The following LYSMD4 variants were observed in gnomAD, a reference collection of about 807,000 sequenced individuals.
The protein encoded by LYSMD4 is lysM and putative peptidoglycan-binding domain-containing protein 4.
In LYSMD4, 9 loss-of-function variants were observed where a neutral mutation model predicts 6.1. That is an observed-to-expected ratio of 1.47 (90% CI 0.88 to 2.56). The LOEUF (loss-of-function observed/expected upper bound fraction) is 2.56. Ranked by LOEUF, LYSMD4 falls within the 30% of genes most tolerant of loss-of-function variation. The pLI, the probability that LYSMD4 is intolerant of heterozygous loss-of-function variation, is 0.00. For missense variants in LYSMD4, 384 were observed against 373.5 expected (o/e 1.03, Z -0.23); for synonymous variants, 143 against 148.5 (o/e 0.96, Z 0.27).
chr15:99,723,016 G>A (rs2059248834), downstream of LYSMD4, among the ~76,000 whole-genome samples: 1 of 151,982 alleles, frequency 6.6e-6, no homozygotes, highest in African/African-American at 2.4e-5. Context: ...GGGTGACAGA[G>A]CAAGACTCTG....
At chr15:99,719,289 G>A (rs1449199851), upstream of LYSMD4, among the ~76,000 whole-genome samples, 4 of 152,142 alleles carry the variant, frequency 2.6e-5, no homozygotes, top group Admixed American at 6.5e-5. Flanking sequence ...ATCTGTTCGT[G>A]TTTTATTTCA....
rs898038484 is a variant in LYSMD4, at chr15:99,727,500, G to A, written c.*1623C>T. 6.6e-6 allele frequency: 1 copy of A among 152,180 alleles called. No homozygotes were observed. Among genetic ancestry groups the A allele is most frequent in the African/African-American group, 2.4e-5 (1 of 41,430 alleles). 9.4% of individuals were successfully genotyped at this position (152,180 alleles called of 1,614,324 possible). On this transcript the variant is annotated 3_prime_UTR_variant, in exon 3 of 3. Coordinates refer to ENST00000684762, the MANE Select transcript of LYSMD4 (RefSeq NM_001284417.2). ...AGTGATTTTGTCATGGAACTCCAAGGCCTGCCTGGTGAAGTGACAGTGACA... is the reference window on the plus strand; with the variant it reads ...AGTGATTTTGTCATGGAACTCCAAGACCTGCCTGGTGAAGTGACAGTGACA...
At chr15:99,725,651 C>T (rs111729575), downstream of LYSMD4, among the ~76,000 whole-genome samples, 4 of 152,152 alleles carry the variant, frequency 2.6e-5, no homozygotes, top group East Asian at 1.9e-4. Context: ...ACAGTTACTG[C>T]GATTCAGGCA....
exon 1 of LYSMD4, chr15:99,716,829 T>TA (rs1253079795): frequency 5.3e-6 from 2 of 378,492 alleles, no homozygotes; most frequent in Non-Finnish European, 1.1e-5. Flanking sequence ...TCACAGGAAA[T>TA]ACGCCAAAGC....
intron 2 of LYSMD4, chr15:99,731,070 C>T: frequency 9.5e-7 from 1 of 1,048,928 alleles, no homozygotes; most frequent in Non-Finnish European, 1.5e-6. Context: ...AGCTTATATA[C>T]CCCTAGAGAA....
At chr15:99,722,828 T>C (rs1409629994), downstream of LYSMD4, among the ~76,000 whole-genome samples, 1 of 152,136 alleles carries the variant, frequency 6.6e-6, no homozygotes, top group African/African-American at 2.4e-5. Context: ...TGAGGTCAGT[T>C]TGAGACCAGC....
upstream of LYSMD4, chr15:99,717,952 T>C (rs959426802): frequency 8.5e-5 from 13 of 152,250 alleles, no homozygotes; most frequent in African/African-American, 2.7e-4. Flanking sequence ...ATAATGTGGT[T>C]TCCACATATC....
Position 99,729,202 on chromosome 15 carries a change from G to C in LYSMD4, c.812C>G (p.Ala271Gly), listed in dbSNP as rs939619529. ...SMAMGTVPGQ[A>G]PRLAVAVPAV... is the part of the protein sequence containing the mutation. ...TGGCACTGCAACTGCTAGTCTGGGGGCTTGCCCTGGAACTGTACCCATTGC... is the reference window on the plus strand; with the variant it reads ...TGGCACTGCAACTGCTAGTCTGGGGCCTTGCCCTGGAACTGTACCCATTGC... The change falls in exon 3 of 3, where the codon GCC becomes GGC. Residue 271 changes from alanine (A) to glycine (G), a missense_variant. Physicochemically the swap from Ala to Gly is moderately conservative, Grantham distance 60. Transcript: ENST00000684762. 1 of 1,614,260 alleles carries C rather than the reference G, an allele frequency of 6.2e-7. No homozygotes were observed. The highest frequency in any genetic ancestry group is 8.5e-7 in the Non-Finnish European group (1 of 1,180,046).
rs1375294084 is a variant in LYSMD4, at chr15:99,728,295, A to G, written c.*828T>C. On this transcript the variant is annotated 3_prime_UTR_variant, in exon 3 of 3. Coordinates refer to ENST00000684762, the MANE Select transcript of LYSMD4 (RefSeq NM_001284417.2). ...CCGCCCAGCTTCAGACGCCAACCAT[A>G]GTGAGGCCTCAGTGACAGGCACTCA... 3.3e-5 allele frequency: 5 copies of G among 152,426 alleles called. No homozygotes were observed. The highest frequency in any genetic ancestry group is 7.3e-5 in the Non-Finnish European group (5 of 68,214). 9.4% of individuals were successfully genotyped at this position (152,426 alleles called of 1,614,324 possible).
chr15:99,715,948 CTTTCCTTTAACTA>C (rs2059113229), exon 1 of LYSMD4: 2 of 153,058 alleles, frequency 1.3e-5, no homozygotes, highest in Admixed American at 1.3e-4. Context: ...ATGTTTTACC[CTTTCCTTTAACTA>C]GAAGGATAAC....
upstream of LYSMD4, among the ~76,000 whole-genome samples, chr15:99,718,866 G>C (rs1460207234): frequency 1.3e-5 from 2 of 151,560 alleles, no homozygotes; most frequent in African/African-American, 4.9e-5. Flanking sequence ...ACCTCTTTCG[G>C]ACTCTTTCTG....
exon 1 of LYSMD4, chr15:99,717,585 C>G (rs983972549): frequency 2.7e-5 from 3 of 113,176 alleles, no homozygotes; most frequent in Non-Finnish European, 6.6e-5. Context: ...GAGGTAAGCC[C>G]TGATCCCAGC....
upstream of LYSMD4, among the ~76,000 whole-genome samples, chr15:99,718,923 AC>A (rs1567544514): frequency 6.8e-6 from 1 of 146,882 alleles, no homozygotes; most frequent in Non-Finnish European, 1.5e-5. Context: ...ACACACACAC[AC>A]ACACACACAC....
chr15:99,731,073 C>A, intron 2 of LYSMD4: 2 of 1,120,288 alleles, frequency 1.8e-6, no homozygotes, highest in Non-Finnish European at 2.7e-6. Context: ...TTATATACCC[C>A]TAGAGAAGGC....
exon 1 of LYSMD4, chr15:99,716,385 T>C (rs1411956014): frequency 2.5e-6 from 1 of 395,744 alleles, no homozygotes. Context: ...ACAATAAATA[T>C]AATAGTGAAC....
chr15:99,727,185 G>GC (rs1323599842), downstream of LYSMD4, among the ~76,000 whole-genome samples: 1 of 152,170 alleles, frequency 6.6e-6, no homozygotes, highest in Non-Finnish European at 1.5e-5. Context: ...AATCAGCCTG[G>GC]CCAACATGGC....
downstream of LYSMD4, among the ~76,000 whole-genome samples, chr15:99,723,074 C>T (rs1317671200): frequency 6.6e-6 from 1 of 151,586 alleles, no homozygotes; most frequent in African/African-American, 2.4e-5. Context: ...AATGGAATTA[C>T]TATAGATTAG....
intron 2 of LYSMD4, among the ~76,000 whole-genome samples, chr15:99,730,438 G>C (rs996339299): frequency 2.0e-5 from 3 of 149,552 alleles, no homozygotes; most frequent in Non-Finnish European, 4.5e-5. Context: ...CAGGGAGAAT[G>C]TAAGTCAAAG....
chr15:99,730,600 C>T (rs1447443584), intron 2 of LYSMD4, among the ~76,000 whole-genome samples: 1 of 152,254 alleles, frequency 6.6e-6, no homozygotes, highest in African/African-American at 2.4e-5. Context: ...TATTCAGCAA[C>T]TGCTGTTATT....
Sources: gnomAD v4.1 joint callset for allele counts (sites outside exome capture counted in the v4.1 genomes callset) on GRCh38, gnomAD v4.1.1 for gene constraint, MANE v1.5 for transcripts, NCBI Gene and HGNC (gene_info 2026-07-23, HGNC 2026-07-21) for gene names.